The following IGLL5 variants were observed in gnomAD, a reference collection of about 807,000 sequenced individuals.
The protein encoded by IGLL5 is immunoglobulin lambda-like polypeptide 5.
Under a neutral mutation model 20.9 loss-of-function variants are expected in IGLL5, and 30 were observed. The observed-to-expected ratio is 1.44, with a 90% CI of 1.07 to 1.95. The LOEUF is 1.95. IGLL5 is among the 30% of genes most tolerant of loss of function. IGLL5 has a pLI of 0.00. For synonymous variants in IGLL5, 203 were observed against 117.3 expected (o/e 1.73, Z -4.72); for missense variants, 475 against 270.7 (o/e 1.75, Z -5.30).
At chr22:22,894,113 C>G (rs184091272) in intron 2 of IGLL5, among the ~76,000 whole-genome samples, 5 of 151,466 alleles carry the variant, frequency 3.3e-5, no homozygotes, top group African/African-American at 9.7e-5. Flanking sequence ...GAGGCTGGTT[C>G]TGATGAGGGG....
intron 2 of IGLL5, among the ~76,000 whole-genome samples, 178 bp downstream of exon 2, chr22:22,893,996 T>G (rs2067963755): frequency 2.0e-5 from 3 of 150,304 alleles, no homozygotes; most frequent in South Asian, 2.2e-4. Flanking sequence ...AGGAAGGGCC[T>G]CCACAGTGGG....
chr22:22,891,021 T>C (rs1306126104), intron 1 of IGLL5, among the ~76,000 whole-genome samples: 7 of 151,200 alleles, frequency 4.6e-5, no homozygotes, highest in African/African-American at 1.7e-4. Flanking sequence ...GTATGTATTG[T>C]AAATATTTTT....
At chr22:22,889,676 C>T (rs137996554) in intron 1 of IGLL5, among the ~76,000 whole-genome samples, 2,960 of 151,356 alleles carry the variant, frequency 0.02, 84 homozygotes, top group African/African-American at 0.068. Context: ...CAGCCTCAAC[C>T]TCCAGGGCTC....
intron 1 of IGLL5, among the ~76,000 whole-genome samples, chr22:22,888,827 A>C (rs551733623): frequency 1.3e-5 from 2 of 151,428 alleles, no homozygotes; most frequent in South Asian, 2.1e-4. Context: ...TCATTGGAAC[A>C]GGCCCACGGC....
At chr22:22,889,536 A>G (rs561360826) in intron 1 of IGLL5, among the ~76,000 whole-genome samples, 1 of 151,302 alleles carries the variant, frequency 6.6e-6, no homozygotes, top group Non-Finnish European at 1.5e-5. Context: ...AACTGGAAAA[A>G]ATCCAAATAT....
chr22:22,888,154 T>C lies in IGLL5; in HGVS notation c.101T>C (p.Val34Ala), dbSNP rs575444867. The C allele has an allele frequency of 1.9e-6, 3 of 1,549,122 alleles. No individual in the cohort carries two copies. Among genetic ancestry groups the C allele is most frequent in the African/African-American group, 1.4e-5 (1 of 72,860 alleles). Residue 34 changes from valine (V) to alanine (A), a missense_variant, in exon 1 of 3, where the codon GTC becomes GCC. Val to Ala is a moderately conservative substitution (Grantham distance 64). Transcript: ENST00000526893. ...WPLLLLGLAM[V>A]AHGLLRPMVA... ...CTGCTGCTGCTGGGTCTGGCCATGG[T>C]CGCCCATGGCCTGCTGCGCCCAATG...
At chr22:22,894,007 A>G (rs1419530392) in intron 2 of IGLL5, among the ~76,000 whole-genome samples, 189 bp downstream of exon 2, 16 of 151,320 alleles carry the variant, frequency 1.1e-4, no homozygotes, top group Middle Eastern at 3.8e-3. Flanking sequence ...CCACAGTGGG[A>G]GCAGCCGGAT....
intron 1 of IGLL5, among the ~76,000 whole-genome samples, chr22:22,888,702 G>C (rs2067634325): frequency 6.6e-6 from 1 of 151,404 alleles, no homozygotes; most frequent in African/African-American, 2.4e-5. Flanking sequence ...AAGGCAGCAA[G>C]GGCTTGGTTT....
At chr22:22,889,664 T>C (rs1601609468) in intron 1 of IGLL5, among the ~76,000 whole-genome samples, 2 of 151,240 alleles carry the variant, frequency 1.3e-5, no homozygotes, top group Admixed American at 6.6e-5. Flanking sequence ...CACAGCTCAC[T>C]GCAGCCTCAA....
At chr22:22,889,015 A>G (rs77746170) in intron 1 of IGLL5, among the ~76,000 whole-genome samples, 6,083 of 151,322 alleles carry the variant, frequency 0.04, 399 homozygotes, top group African/African-American at 0.13. Flanking sequence ...AGGGGAGGCA[A>G]GAAGACCATA....
intron 1 of IGLL5, 135 bp downstream of exon 1, chr22:22,888,394 G>C (rs192526633): frequency 2.2e-5 from 15 of 678,058 alleles, no homozygotes; most frequent in Middle Eastern, 4.2e-4. Flanking sequence ...ACTGGCTTTA[G>C]TAATGGGTTG....
At chr22:22,894,600 G>T (rs1176775515) in intron 2 of IGLL5, among the ~76,000 whole-genome samples, 3 of 151,322 alleles carry the variant, frequency 2.0e-5, no homozygotes, top group Non-Finnish European at 2.9e-5. Context: ...GAAATGACCA[G>T]AGGGGAGTGA....
chr22:22,894,474 A>C (rs562419977), intron 2 of IGLL5, among the ~76,000 whole-genome samples: 2 of 151,238 alleles, frequency 1.3e-5, no homozygotes, highest in Admixed American at 6.6e-5. Context: ...CAGAAAGGAG[A>C]CAGTCTCTTA....
intron 2 of IGLL5, among the ~76,000 whole-genome samples, 161 bp downstream of exon 2, chr22:22,893,979 AACCGG>A: frequency 6.6e-6 from 1 of 151,346 alleles, no homozygotes; most frequent in Non-Finnish European, 1.5e-5. Context: ...GTCTCCGGGT[AACCGG>A]CAGGAAGGGC....
Position 22,894,787 on chromosome 22 carries a change from A to G in IGLL5, c.326-588A>G, listed in dbSNP as rs2066696952. ...GACAGGAAACATCTCAGAGCCTCAG[A>G]GGAGCCCTGAGGCTTGTCTAGGTGG... On this transcript the variant is annotated intron_variant, in intron 2 of 2. Transcript: ENST00000526893. Among the ~76,000 whole-genome samples the G allele has an allele frequency of 1.3e-5, 2 of 151,186 alleles. 1 individual carries two copies. Among genetic ancestry groups the G allele is most frequent in the African/African-American group, 4.8e-5 (2 of 41,266 alleles).
chr22:22,888,186 C>A lies in IGLL5; in HGVS notation c.133C>A (p.Pro45Thr), dbSNP rs575661811. 2.6e-6 allele frequency: 4 copies of A among 1,548,846 alleles called. No homozygotes were observed. The highest frequency in any genetic ancestry group is 2.5e-5 in the East Asian group (1 of 40,602). The change falls in exon 1 of 3, where the codon CCG becomes ACG. Residue 45 changes from proline (P) to threonine (T), a missense_variant. Coordinates refer to ENST00000526893, the MANE Select transcript of IGLL5 (RefSeq NM_001178126.2). ...AHGLLRPMVAPQSGDPDPGAS... is the reference protein window; with the variant it reads ...AHGLLRPMVATQSGDPDPGAS... ...TGGCCTGCTGCGCCCAATGGTTGCA[C>A]CGCAAAGCGGGGACCCAGACCCTGG...
rs1601605938 is a variant in IGLL5, at chr22:22,889,069, A to C, written c.206+810A>C. Among the ~76,000 whole-genome samples the C allele has an allele frequency of 2.0e-5, 3 of 151,256 alleles. 1 individual carries two copies. The highest frequency in any genetic ancestry group is 2.0e-4 in the East Asian group (1 of 4,924). On this transcript the variant is annotated intron_variant, in intron 1 of 2. Coordinates refer to ENST00000526893, the MANE Select transcript of IGLL5 (RefSeq NM_001178126.2). ...CAGTCCAGGACGAGTCCTTGGATGG[A>C]TTTAGGTAGATTGATTATCAGAGTC...
chr22:22,888,465 T>A (rs183556034), intron 1 of IGLL5, among the ~76,000 whole-genome samples: 1 of 151,384 alleles, frequency 6.6e-6, no homozygotes, highest in Non-Finnish European at 1.5e-5. Flanking sequence ...TACGATATTA[T>A]TTTTCTTGAT....
intron 1 of IGLL5, among the ~76,000 whole-genome samples, chr22:22,889,038 C>T (rs2067678619): frequency 1.3e-5 from 2 of 151,390 alleles, no homozygotes; most frequent in Admixed American, 6.6e-5. Context: ...GTCCGTGCAC[C>T]ATTCCCAGTC....
Sources: allele counts gnomAD v4.1 joint callset (sites outside exome capture counted in the v4.1 genomes callset), GRCh38; gene constraint gnomAD v4.1.1; transcripts MANE v1.5; gene names NCBI Gene and HGNC (gene_info 2026-07-23, HGNC 2026-07-21).